The following DCC variants were observed in gnomAD, a reference collection of about 807,000 sequenced individuals.
The protein encoded by DCC is netrin receptor DCC.
A neutral mutation model predicts 172.5 loss-of-function variants in DCC; 58 were observed. That is an observed-to-expected ratio of 0.34 (90% CI 0.27 to 0.42). DCC has a LOEUF of 0.42. DCC is among the 10% of genes least tolerant of loss of function. DCC has a pLI of 1.00. For missense variants in DCC, 1,740 were observed against 1,791.0 expected, an observed-to-expected ratio of 0.97 and a Z score of 0.51; for synonymous variants, 709 against 644.5, an observed-to-expected ratio of 1.10 and a Z score of -1.52.
intron 12 of DCC, among the ~76,000 whole-genome samples, chr18:53,266,109 GT>G (rs1275016857): frequency 6.6e-6 from 1 of 152,168 alleles, no homozygotes; most frequent in African/African-American, 2.4e-5. Context: ...CAAGCACCAG[GT>G]CAGTGACCTC....
chr18:53,093,752 A>T (rs2043046121), intron 7 of DCC, among the ~76,000 whole-genome samples: 1 of 152,080 alleles, frequency 6.6e-6, no homozygotes, highest in Non-Finnish European at 1.5e-5. Context: ...TGTCTTTTTT[A>T]TTTTCTCCTT....
chr18:52,586,747 C>T (rs1361927883), intron 1 of DCC, among the ~76,000 whole-genome samples: 1 of 152,188 alleles, frequency 6.6e-6, no homozygotes, highest in Non-Finnish European at 1.5e-5. Flanking sequence ...GATGCTGATT[C>T]AGAGCATACA....
rs552125419 is a variant in DCC at position 52,940,151 on chromosome 18, G to A, written c.985+14781G>A. 2.1e-3 allele frequency among the ~76,000 whole-genome samples: 323 copies of A among 152,236 alleles called. 1 individual carries two copies. The highest frequency in any genetic ancestry group is 6.8e-3 in the Middle Eastern group (2 of 294). On this transcript the variant is annotated intron_variant, in intron 5 of 28. Transcript: ENST00000442544. The stretch of plus-strand genomic sequence containing the variant: ...GGAAGACCATCTGGTGGTAAGTAAA[G>A]GAAATGGAATGTTAACAAGAGTAAG...
At chr18:53,243,849 T>G (rs954182767) in intron 12 of DCC, among the ~76,000 whole-genome samples, 6 of 152,144 alleles carry the variant, frequency 3.9e-5, no homozygotes, top group Non-Finnish European at 8.8e-5. Flanking sequence ...AGTCTTCTCT[T>G]TCTTTTTATT....
intron 12 of DCC, among the ~76,000 whole-genome samples, chr18:53,262,607 T>A (rs376498457): frequency 2.0e-5 from 3 of 152,234 alleles, no homozygotes; most frequent in African/African-American, 7.2e-5. Context: ...TATAATTTCA[T>A]ATGTGTTCTC....
chr18:52,496,646 A>C (rs1397233942), intron 1 of DCC, among the ~76,000 whole-genome samples: 1 of 152,072 alleles, frequency 6.6e-6, no homozygotes, highest in Non-Finnish European at 1.5e-5. Flanking sequence ...TGATTTGATG[A>C]CATCTGTTAA....
chr18:52,374,584 C>A (rs1568138630), intron 1 of DCC, among the ~76,000 whole-genome samples: 1 of 152,040 alleles, frequency 6.6e-6, no homozygotes, highest in East Asian at 1.9e-4. Flanking sequence ...TCTAAGAACA[C>A]AGATAGGGCC....
At chr18:53,317,932 T>C (rs1176800992) in intron 13 of DCC, among the ~76,000 whole-genome samples, 1 of 152,198 alleles carries the variant, frequency 6.6e-6, no homozygotes, top group Non-Finnish European at 1.5e-5. Context: ...AACAATCACC[T>C]CCTGGATTCA....
intron 1 of DCC, among the ~76,000 whole-genome samples, chr18:52,541,875 G>GTATATATATATATATATA (rs765428849): frequency 0.027 from 3,129 of 114,380 alleles, 95 homozygotes; most frequent in Non-Finnish European, 0.032. Flanking sequence ...GTGTGTGTGT[G>GTATATATATATATATATA]TATATATATA....
At chr18:53,500,911 C>A (rs1195258917) in intron 27 of DCC, among the ~76,000 whole-genome samples, 1 of 152,124 alleles carries the variant, frequency 6.6e-6, no homozygotes, top group Non-Finnish European at 1.5e-5. Flanking sequence ...ACACTCCACA[C>A]ATACTACATT....
intron 5 of DCC, among the ~76,000 whole-genome samples, chr18:52,933,444 G>A (rs1212468726): frequency 6.6e-6 from 1 of 151,710 alleles, no homozygotes; most frequent in East Asian, 1.9e-4. Context: ...GAATGGGGGA[G>A]GGAGTGTTGA....
At position 52,730,606 on chromosome 18, in the gene DCC, A is replaced by T. The variant is rs1281649970; in HGVS notation, c.92-21448A>T. On this transcript the variant is annotated intron_variant, in intron 1 of 28. Coordinates refer to ENST00000442544, the MANE Select transcript of DCC (RefSeq NM_005215.4). ...CTATAGTTAACGACTGGCACTGTTC[A>T]GTGACACTCAATCAGAGCTGATGCT... is the stretch of plus-strand genomic sequence containing the variant. 2.6e-5 allele frequency among the ~76,000 whole-genome samples: 4 copies of T among 152,334 alleles called. No individual in the cohort carries two copies. The East Asian group carries it at 7.7e-4, about 29-fold the overall frequency.
intron 7 of DCC, among the ~76,000 whole-genome samples, chr18:53,144,889 G>T: frequency 6.6e-6 from 1 of 152,030 alleles, no homozygotes; most frequent in Non-Finnish European, 1.5e-5. Context: ...AAGAAATTCA[G>T]GAACAGGAGA....
rs34351949 is a variant in DCC, at chr18:53,025,795, TACACACACACAC to T, written c.986-37484_986-37473del. 1.5e-4 allele frequency among the ~76,000 whole-genome samples: 21 copies of T among 141,602 alleles called. No individual in the cohort carries two copies. The East Asian group carries it at 2.9e-3, about 20-fold the overall frequency. 92.9% of individuals were successfully genotyped at this position (141,602 alleles called of 152,430 possible). ...CAGATTTAATGGGCAAAAACTATGA[TACACACACACAC>T]ACACACACACACACACACACACACA... On this transcript the variant is annotated intron_variant, in intron 5 of 28. Coordinates refer to ENST00000442544, the MANE Select transcript of DCC (RefSeq NM_005215.4).
chr18:52,795,585 T>C (rs1263884196), intron 2 of DCC, among the ~76,000 whole-genome samples: 1 of 151,968 alleles, frequency 6.6e-6, no homozygotes, highest in Non-Finnish European at 1.5e-5. Flanking sequence ...GGCAATGTTT[T>C]TCATTTAGTC....
chr18:53,034,046 G>A (rs540079796), intron 5 of DCC, among the ~76,000 whole-genome samples: 2 of 151,944 alleles, frequency 1.3e-5, no homozygotes, highest in Admixed American at 6.6e-5. Flanking sequence ...GCCAAATGTT[G>A]GATTTTTCCC....
At chr18:52,814,042 C>T (rs746381170) in intron 2 of DCC, among the ~76,000 whole-genome samples, 11 of 152,290 alleles carry the variant, frequency 7.2e-5, no homozygotes, top group Admixed American at 1.3e-4. Context: ...TGAATGAATT[C>T]CTCATAAGAA....
chr18:52,358,133 T>C (rs958228721), intron 1 of DCC, among the ~76,000 whole-genome samples: 5 of 152,088 alleles, frequency 3.3e-5, no homozygotes, highest in Non-Finnish European at 5.9e-5. Flanking sequence ...ACAAACCCCA[T>C]TTGAGATTCT....
intron 1 of DCC, among the ~76,000 whole-genome samples, chr18:52,404,824 G>C (rs1470943712): frequency 5.1e-5 from 5 of 98,028 alleles, no homozygotes; most frequent in African/African-American, 1.7e-4. Context: ...CCCCCCACCC[G>C]ACAACAGTCC....
Sources: gnomAD v4.1 joint callset for allele counts (sites outside exome capture counted in the v4.1 genomes callset) on GRCh38, gnomAD v4.1.1 for gene constraint, MANE v1.5 for transcripts, NCBI Gene and HGNC (gene_info 2026-07-23, HGNC 2026-07-21) for gene names.